RBFOX1: variants seen among roughly 807,000 people sequenced by gnomAD.
RBFOX1 encodes RNA binding protein fox-1 homolog 1.
A neutral mutation model predicts 57.7 loss-of-function variants in RBFOX1; 8 were observed. That is an observed-to-expected ratio of 0.14 (90% CI 0.08 to 0.25). The LOEUF is 0.25. RBFOX1 is among the 10% of genes least tolerant of loss of function. RBFOX1 has a pLI of 1.00. For synonymous variants in RBFOX1, 326 were observed against 222.4 expected, an observed-to-expected ratio of 1.47 and a Z score of -4.15; for missense variants, 611 against 548.5, an observed-to-expected ratio of 1.11 and a Z score of -1.14.
intron 1 of RBFOX1, among the ~76,000 whole-genome samples, chr16:6,236,229 C>T (rs2097504251): frequency 6.6e-6 from 1 of 152,080 alleles, no homozygotes; most frequent in African/African-American, 2.4e-5. Context: ...CTGGAGTCAG[C>T]CCTGATTGAA....
chr16:5,669,235 T>C (rs1384338284), intron 3 of RBFOX1, among the ~76,000 whole-genome samples: 1 of 152,032 alleles, frequency 6.6e-6, no homozygotes, highest in Admixed American at 6.6e-5. Context: ...CTTCTGTTTT[T>C]GTTTTATTTG....
At chr16:6,254,677 T>C (rs2152594001) in intron 1 of RBFOX1, among the ~76,000 whole-genome samples, 1 of 152,294 alleles carries the variant, frequency 6.6e-6, no homozygotes, top group African/African-American at 2.4e-5. Flanking sequence ...GGGAAAGCAA[T>C]ACAAAATGTT....
intron 14 of RBFOX1, among the ~76,000 whole-genome samples, chr16:7,681,834 C>T (rs1053304808): frequency 2.6e-5 from 4 of 152,078 alleles, no homozygotes; most frequent in African/African-American, 9.7e-5. Context: ...TTCCCCAGTC[C>T]TCTTATCTGA....
intron 4 of RBFOX1, among the ~76,000 whole-genome samples, chr16:5,963,138 C>A (rs1172737703): frequency 6.6e-6 from 1 of 152,172 alleles, no homozygotes; most frequent in African/African-American, 2.4e-5. Flanking sequence ...TCATGAAAAT[C>A]TGCATGTTGA....
chr16:6,582,934 C>T (rs2097557304), intron 2 of RBFOX1, among the ~76,000 whole-genome samples: 1 of 151,796 alleles, frequency 6.6e-6, no homozygotes, highest in African/African-American at 2.4e-5. Flanking sequence ...TCTCCCCTCC[C>T]CTCCCCTCCT....
At chr16:6,970,038 C>A (rs1568146322) in intron 3 of RBFOX1, among the ~76,000 whole-genome samples, 1 of 151,914 alleles carries the variant, frequency 6.6e-6, no homozygotes, top group South Asian at 2.1e-4. Context: ...ATTAGATGGG[C>A]ATGGTGGCAT....
chr16:5,401,720 T>G (rs1330676657), intron 1 of RBFOX1, among the ~76,000 whole-genome samples: 1 of 147,256 alleles, frequency 6.8e-6, no homozygotes, highest in Non-Finnish European at 1.5e-5. Flanking sequence ...GATTTCTTGT[T>G]AGTATTTTCC....
chr16:5,432,847 G>A (rs932086540), intron 1 of RBFOX1, among the ~76,000 whole-genome samples: 16 of 151,756 alleles, frequency 1.1e-4, no homozygotes, highest in African/African-American at 3.4e-4. Flanking sequence ...GTGCAGTGGC[G>A]CAATCTCGGT....
At chr16:5,474,385 G>A (rs2069245634) in intron 2 of RBFOX1, among the ~76,000 whole-genome samples, 1 of 152,232 alleles carries the variant, frequency 6.6e-6, no homozygotes, top group Non-Finnish European at 1.5e-5. Context: ...TAGGCGCGAT[G>A]GCTCACTCCT....
At chr16:6,505,089 A>C (rs911496347) in intron 2 of RBFOX1, among the ~76,000 whole-genome samples, 7 of 152,100 alleles carry the variant, frequency 4.6e-5, no homozygotes, top group Admixed American at 4.6e-4. Flanking sequence ...TAAATAAATA[A>C]AAATTAGAAA....
At chr16:7,628,912 C>T (rs1429287654) in intron 10 of RBFOX1, among the ~76,000 whole-genome samples, 2 of 152,036 alleles carry the variant, frequency 1.3e-5, no homozygotes, top group Non-Finnish European at 2.9e-5. Flanking sequence ...TACACCTGGC[C>T]GATAAACTGT....
intron 3 of RBFOX1, among the ~76,000 whole-genome samples, chr16:6,950,661 A>C (rs2080534673): frequency 6.6e-6 from 1 of 152,178 alleles, no homozygotes; most frequent in African/African-American, 2.4e-5. Context: ...AGGATGCAGA[A>C]AGAGGTGAGG....
At chr16:5,729,000 C>T (rs117369744) in intron 3 of RBFOX1, among the ~76,000 whole-genome samples, 3,733 of 152,278 alleles carry the variant, frequency 0.025, 70 homozygotes, top group South Asian at 0.042. Flanking sequence ...CAAATGTCTC[C>T]GCTGACAGGT....
rs972685481 is a variant in RBFOX1, at chr16:5,516,956, G to A, written c.258+49702G>A. ...GTCTCAGGTATTTCTTAATAGCAAT[G>A]TGAGAACGAGCTAATACGACTCTTC... On this transcript the variant is annotated intron_variant, in intron 2 of 2. Transcript: ENST00000585867. 3.3e-5 allele frequency among the ~76,000 whole-genome samples: 5 copies of A among 150,956 alleles called. No individual in the cohort carries two copies. In the East Asian group the frequency reaches 7.8e-4, roughly 24 times the overall value.
At chr16:7,612,252 C>T (rs1313050507) in intron 10 of RBFOX1, among the ~76,000 whole-genome samples, 4 of 142,282 alleles carry the variant, frequency 2.8e-5, no homozygotes, top group African/African-American at 5.4e-5. Flanking sequence ...ACCCGGGAGG[C>T]GGAGCTTGCA....
At position 6,258,452 on chromosome 16, in the gene RBFOX1, G is replaced by C. The variant is rs866625509; in HGVS notation, c.-126-58543G>C. Among the ~76,000 whole-genome samples the C allele has an allele frequency of 5.9e-5, 9 of 152,280 alleles. No homozygotes were observed. The Middle Eastern group carries it at 0.014, about 230-fold the overall frequency. On this transcript the variant is annotated intron_variant, in intron 1 of 15. Transcript: ENST00000550418. ...TGCCCGTGTGTGCACATGAGCATGA[G>C]TGCATGTACCGATGAATTTTACACT...
intron 4 of RBFOX1, among the ~76,000 whole-genome samples, chr16:7,214,711 C>G (rs560516678): frequency 6.6e-6 from 1 of 152,208 alleles, no homozygotes; most frequent in African/African-American, 2.4e-5. Context: ...CTACCGTATA[C>G]TGCGCGATCT....
chr16:7,286,655 A>T (rs1464868137), intron 4 of RBFOX1, among the ~76,000 whole-genome samples: 1 of 114,210 alleles, frequency 8.8e-6, no homozygotes, highest in Admixed American at 1.2e-4. Flanking sequence ...ACAGAGTCTT[A>T]CTCTGTCACC....
intron 2 of RBFOX1, among the ~76,000 whole-genome samples, chr16:5,549,126 C>A (rs1291699903): frequency 6.6e-6 from 1 of 152,214 alleles, no homozygotes; most frequent in African/African-American, 2.4e-5. Flanking sequence ...GAGCAGCTCA[C>A]TGTACTTGCT....
Sources: gnomAD v4.1 joint callset for allele counts (sites outside exome capture counted in the v4.1 genomes callset) on GRCh38, gnomAD v4.1.1 for gene constraint, MANE v1.5 for transcripts, NCBI Gene and HGNC (gene_info 2026-07-23, HGNC 2026-07-21) for gene names.